Variants in INTS9 observed in about 807,000 individuals in gnomAD.
INTS9 encodes integrator complex subunit 9, also known as protein related to CPSF subunits of 74 kDa.
Under a neutral mutation model 79.7 loss-of-function variants are expected in INTS9, and 55 were observed. The observed-to-expected ratio is 0.69, with a 90% CI of 0.56 to 0.86. INTS9 has a LOEUF of 0.86. INTS9 is among the 40% of genes least tolerant of loss of function. INTS9 has a pLI of 0.00. For synonymous variants in INTS9, 319 were observed against 325.2 expected (o/e 0.98, Z 0.20); for missense variants, 721 against 831.5 (o/e 0.87, Z 1.64).
intron 16 of INTS9, among the ~76,000 whole-genome samples, chr8:28,768,861 C>T (rs2130830411): frequency 6.6e-6 from 1 of 152,326 alleles, no homozygotes; most frequent in African/African-American, 2.4e-5. Flanking sequence ...AGGTGAAGGG[C>T]CTCGGTGTGG....
At chr8:28,771,224 T>G (rs1446952767) in intron 14 of INTS9, 144 bp from the exon 15 acceptor site, 2 of 701,966 alleles carry the variant, frequency 2.8e-6, no homozygotes, top group Non-Finnish European at 5.1e-6. Context: ...GATGGAGTCT[T>G]GCTCTGTCGC....
intron 6 of INTS9, among the ~76,000 whole-genome samples, chr8:28,818,990 G>T (rs1409125239): frequency 6.6e-6 from 1 of 152,110 alleles, no homozygotes; most frequent in Non-Finnish European, 1.5e-5. Flanking sequence ...TGTGGGATCG[G>T]TGGTGATATC....
intron 5 of INTS9, 105 bp downstream of exon 5, chr8:28,837,532 C>A: frequency 7.3e-6 from 9 of 1,236,104 alleles, no homozygotes; most frequent in South Asian, 1.7e-5. Context: ...GTTAGTTGTT[C>A]AGAAGGAACT....
intron 11 of INTS9, chr8:28,784,126 T>C (rs577511557): frequency 2.0e-5 from 3 of 152,250 alleles, no homozygotes; most frequent in Non-Finnish European, 4.4e-5. Flanking sequence ...CCGTTTCTCA[T>C]GGGCATTGGT....
At chr8:28,853,424 A>AAAG (rs950334487) in intron 2 of INTS9, among the ~76,000 whole-genome samples, 1 of 151,878 alleles carries the variant, frequency 6.6e-6, no homozygotes, top group African/African-American at 2.4e-5. Flanking sequence ...AAAAAAAAAA[A>AAAG]AAAGAAAGAA....
intron 11 of INTS9, among the ~76,000 whole-genome samples, chr8:28,787,558 C>A (rs1803681355): frequency 6.6e-6 from 1 of 152,138 alleles, no homozygotes; most frequent in Non-Finnish European, 1.5e-5. Context: ...GATGCTCAAC[C>A]AGTAAGTATA....
rs1175198731 is a variant in INTS9, at chr8:28,817,146, CTCT to C, written c.489-3537_489-3535del. Among the ~76,000 whole-genome samples the C allele has an allele frequency of 1.6e-4, 24 of 150,682 alleles. No homozygotes were observed. The East Asian group carries it at 3.3e-3, about 21-fold the overall frequency. On this transcript the variant is annotated intron_variant, in intron 6 of 16. Coordinates refer to ENST00000521022, the MANE Select transcript of INTS9 (RefSeq NM_018250.4). ...GGTAGTTTCTTTTGCTGTGCAGAAGCTCTTTAGTTTAATTAGATCCCATTTGTC... is the reference window on the plus strand; with the variant it reads ...GGTAGTTTCTTTTGCTGTGCAGAAGCTTAGTTTAATTAGATCCCATTTGTC...
chr8:28,889,908 A>G lies in INTS9; in HGVS notation c.-26T>C. 6.2e-7 allele frequency: 1 copy of G among 1,609,316 alleles called. No homozygotes were observed. ...AATGGACTTTTGGTGGTTCAATAGC[A>G]GTCACTGAACTCCTCAAACCCAGGA... On this transcript the variant is annotated 5_prime_UTR_variant, in exon 1 of 17. Transcript: ENST00000521022.
chr8:28,776,039 G>GGC (rs1365251940), intron 13 of INTS9, 113 bp from the exon 14 acceptor site: 3 of 827,748 alleles, frequency 3.6e-6, no homozygotes, highest in Non-Finnish European at 5.4e-6. Flanking sequence ...ACCACTTCCA[G>GGC]GCCAAGGTGA....
At chr8:28,798,880 A>G (rs1261522614) in intron 8 of INTS9, among the ~76,000 whole-genome samples, 1 of 152,210 alleles carries the variant, frequency 6.6e-6, no homozygotes, top group Non-Finnish European at 1.5e-5. Context: ...ACTGATTCAC[A>G]CTTGAACTCT....
chr8:28,881,113 C>T (rs1364511939), intron 1 of INTS9, among the ~76,000 whole-genome samples: 5 of 150,354 alleles, frequency 3.3e-5, no homozygotes, highest in African/African-American at 7.3e-5. Flanking sequence ...CCACCCCGTC[C>T]GGGAGGGAGG....
chr8:28,777,219 G>A (rs1279583799), intron 13 of INTS9, among the ~76,000 whole-genome samples: 2 of 152,066 alleles, frequency 1.3e-5, no homozygotes, highest in Admixed American at 6.5e-5. Context: ...CTTCCTCGCC[G>A]GTGTCAGCTG....
chr8:28,781,845 A>C (rs1189278797), intron 11 of INTS9, among the ~76,000 whole-genome samples: 1 of 152,214 alleles, frequency 6.6e-6, no homozygotes, highest in Non-Finnish European at 1.5e-5. Flanking sequence ...GTGATGATGT[A>C]ATGGTGGATC....
intron 1 of INTS9, among the ~76,000 whole-genome samples, chr8:28,885,790 G>A (rs780107838): frequency 1.6e-4 from 24 of 152,260 alleles, no homozygotes; most frequent in Middle Eastern, 3.4e-3. Flanking sequence ...GGCCATCAGC[G>A]TACTCAGTTA....
intron 8 of INTS9, among the ~76,000 whole-genome samples, chr8:28,798,882 T>C (rs1224193438): frequency 6.6e-6 from 1 of 152,214 alleles, no homozygotes; most frequent in Admixed American, 6.5e-5. Flanking sequence ...TGATTCACAC[T>C]TGAACTCTGA....
At chr8:28,864,647 T>C (rs907141009) in intron 1 of INTS9, among the ~76,000 whole-genome samples, 6 of 152,214 alleles carry the variant, frequency 3.9e-5, no homozygotes, top group Non-Finnish European at 7.3e-5. Flanking sequence ...ATTTCTTTTT[T>C]CTTTGAAATT....
chr8:28,780,770 A>G (rs1803208319), intron 12 of INTS9, 53 bp downstream of exon 12: 2 of 1,589,898 alleles, frequency 1.3e-6, no homozygotes, highest in East Asian at 2.2e-5. Context: ...AGGTGCATTC[A>G]CTCATGGCCT....
chr8:28,882,091 T>C (rs1044754243), intron 1 of INTS9, among the ~76,000 whole-genome samples: 3 of 146,544 alleles, frequency 2.0e-5, no homozygotes, highest in Non-Finnish European at 4.5e-5. Flanking sequence ...TGGGAGACTT[T>C]TCATTTTGTT....
In INTS9 at chr8:28,868,219, C is replaced by T. The variant is rs377073055; in HGVS notation, c.10-8656G>A. 1.7e-4 allele frequency among the ~76,000 whole-genome samples: 26 copies of T among 152,270 alleles called. No individual in the cohort carries two copies. The South Asian group carries it at 5.2e-3, about 30-fold the overall frequency. On this transcript the variant is annotated intron_variant, in intron 1 of 16. Coordinates refer to ENST00000521022, the MANE Select transcript of INTS9 (RefSeq NM_018250.4). ...GTTAGCTGACTGATGCAATAAAGGT[C>T]CCAAGTAAATTAAATTATTAAATTG...
Sources: allele counts gnomAD v4.1 joint callset (sites outside exome capture counted in the v4.1 genomes callset), GRCh38; gene constraint gnomAD v4.1.1; transcripts MANE v1.5; gene names NCBI Gene and HGNC (gene_info 2026-07-23, HGNC 2026-07-21).